Variants in ASCC3 observed in about 807,000 individuals in gnomAD.
The protein encoded by ASCC3 is ASC-1 complex subunit P200.
Under a neutral mutation model 256.3 loss-of-function variants are expected in ASCC3, and 158 were observed. The ratio of observed to expected loss-of-function variants is 0.62; its 90% CI spans 0.54 to 0.70. The LOEUF (loss-of-function observed/expected upper bound fraction) is 0.70, where lower values mean the gene tolerates loss of function less well. Among genes scored for constraint, ASCC3 ranks in the 30% least tolerant of loss-of-function variants. ASCC3 has a pLI of 0.00. For synonymous variants in ASCC3, 948 were observed against 883.4 expected (o/e 1.07, Z -1.30); for missense variants, 2,259 against 2,626.0 (o/e 0.86, Z 3.05).
chr6:100,709,459 GCT>G (rs1011838024), intron 13 of ASCC3, among the ~76,000 whole-genome samples: 18 of 152,216 alleles, frequency 1.2e-4, no homozygotes, highest in East Asian at 3.9e-4. Context: ...CTCTTAACTA[GCT>G]CTGTGACCTT....
intron 4 of ASCC3, among the ~76,000 whole-genome samples, chr6:100,826,670 A>T (rs1452003456): frequency 1.3e-5 from 2 of 152,208 alleles, no homozygotes; most frequent in African/African-American, 2.4e-5. Context: ...AGGATAAAGA[A>T]TGAAGGCCTG....
At chr6:100,861,494 T>C (rs993483704) in intron 3 of ASCC3, among the ~76,000 whole-genome samples, 6 of 152,156 alleles carry the variant, frequency 3.9e-5, no homozygotes, top group Admixed American at 6.5e-5. Flanking sequence ...CAGGGACATT[T>C]TCCACATGAG....
intron 13 of ASCC3, among the ~76,000 whole-genome samples, chr6:100,702,262 C>CTAGA (rs1418109059): frequency 1.3e-5 from 2 of 152,030 alleles, no homozygotes; most frequent in African/African-American, 4.8e-5. Flanking sequence ...AGGAGGTAAA[C>CTAGA]TAGATAGGCA....
chr6:100,801,078 A>C (rs1769895062), intron 5 of ASCC3, among the ~76,000 whole-genome samples: 1 of 152,062 alleles, frequency 6.6e-6, no homozygotes, highest in Non-Finnish European at 1.5e-5. Flanking sequence ...ACGGAAACAC[A>C]GTTTTTTAAA....
At chr6:100,879,480 C>G (rs1490682980) in intron 1 of ASCC3, among the ~76,000 whole-genome samples, 1 of 152,116 alleles carries the variant, frequency 6.6e-6, no homozygotes, top group African/African-American at 2.4e-5. Flanking sequence ...CTAGCTAAGA[C>G]AAAATTCTTA....
intron 8 of ASCC3, among the ~76,000 whole-genome samples, chr6:100,773,661 C>T (rs1450525987): frequency 6.6e-6 from 1 of 152,062 alleles, no homozygotes; most frequent in Non-Finnish European, 1.5e-5. Flanking sequence ...ATTTCTGACC[C>T]ATTAGATTGA....
At chr6:100,613,681 C>T (rs796294132) in intron 30 of ASCC3, among the ~76,000 whole-genome samples, 12 of 152,064 alleles carry the variant, frequency 7.9e-5, no homozygotes, top group Admixed American at 2.0e-4. Context: ...TCTTTTTCTT[C>T]GGGTAGACAC....
At position 100,512,742 on chromosome 6, in the gene ASCC3, C is replaced by T. The variant is rs1773830312; in HGVS notation, c.6252G>A (p.Val2084=). Residue 2084 remains valine, a synonymous_variant, in exon 40 of 42, where the codon GTG becomes GTA. Transcript: ENST00000369162. ...ACCCAAAGTGGACTCTCTGCAAGCT[C>T]ACTTGAAGCACATACTCTTGGTCAG... ...LHADQEYVLQ[V]SLQRVHFGFH... The T allele has an allele frequency of 6.2e-7, 1 of 1,613,966 alleles. No homozygotes were observed. The highest frequency in any genetic ancestry group is 1.1e-5 in the South Asian group (1 of 91,088).
At chr6:100,683,184 T>G (rs1360965731) in intron 13 of ASCC3, among the ~76,000 whole-genome samples, 1 of 152,206 alleles carries the variant, frequency 6.6e-6, no homozygotes, top group East Asian at 1.9e-4. Context: ...ATATAACTAA[T>G]AAGCCCCAAC....
chr6:100,686,201 C>T (rs239198), intron 13 of ASCC3, among the ~76,000 whole-genome samples: 71,700 of 152,016 alleles, frequency 0.47, 17,054 homozygotes, highest in Middle Eastern at 0.56. Flanking sequence ...AAAGCATTTA[C>T]AATAGTGTGT....
At chr6:100,579,883 A>G (rs1041838881) in intron 36 of ASCC3, among the ~76,000 whole-genome samples, 2 of 152,112 alleles carry the variant, frequency 1.3e-5, no homozygotes, top group Admixed American at 1.3e-4. Context: ...GTAGTTTGTT[A>G]GAGATAGCAC....
intron 10 of ASCC3, among the ~76,000 whole-genome samples, chr6:100,730,782 G>T (rs996777832): frequency 6.6e-6 from 1 of 152,064 alleles, no homozygotes; most frequent in Non-Finnish European, 1.5e-5. Flanking sequence ...TGCCCCTTGG[G>T]ACTCTACAAC....
Position 100,589,939 on chromosome 6 carries a change from A to C in ASCC3, c.5415+9T>G. 1 of 1,598,480 alleles carries C rather than the reference A, an allele frequency of 6.3e-7. No homozygotes were observed. The highest frequency in any genetic ancestry group is 8.6e-7 in the Non-Finnish European group (1 of 1,165,974). On this transcript the variant is annotated intron_variant, in intron 35 of 41. Coordinates refer to ENST00000369162, the MANE Select transcript of ASCC3 (RefSeq NM_006828.4). ...CTTTTCAATTAGAATGCATATGACT[A>C]AGTCATACCTCTCCAATTTCAATAC...
chr6:100,631,278 T>C, intron 25 of ASCC3, 65 bp from the exon 26 acceptor site: 2 of 1,319,636 alleles, frequency 1.5e-6, no homozygotes, highest in Non-Finnish European at 2.2e-6. Flanking sequence ...GAAATAAAAG[T>C]AAACTCCAAA....
At chr6:100,646,883 C>T in intron 21 of ASCC3, 114 bp from the exon 22 acceptor site, 1 of 1,121,288 alleles carries the variant, frequency 8.9e-7, no homozygotes, top group Non-Finnish European at 1.3e-6. Flanking sequence ...TTATGATTTG[C>T]TATGTAGAAT....
chr6:100,816,945 A>G (rs997452527), intron 4 of ASCC3, among the ~76,000 whole-genome samples: 3 of 152,048 alleles, frequency 2.0e-5, no homozygotes, highest in African/African-American at 4.8e-5. Context: ...AAAATTAAAA[A>G]AAAAAGAAAT....
chr6:100,650,610 T>C lies in ASCC3; in HGVS notation c.3180A>G (p.Leu1060=). The change falls in exon 20 of 42, where the codon TTA becomes TTG. Residue 1060 remains leucine, a synonymous_variant. Transcript: ENST00000369162. The part of the protein sequence containing the change: ...VENSYGKINI[L]LQTYISRGEM... ...CTCCTCGGCTGATATAAGTTTGAAG[T>C]AAGATGTTTATTTTCCCATAACTAT... 4.3e-6 allele frequency: 7 copies of C among 1,612,850 alleles called. No individual in the cohort carries two copies. The highest frequency in any genetic ancestry group is 5.9e-6 in the Non-Finnish European group (7 of 1,179,152).
intron 12 of ASCC3, 45 bp downstream of exon 12, chr6:100,718,030 A>G (rs1451517230): frequency 3.2e-6 from 5 of 1,579,200 alleles, no homozygotes; most frequent in East Asian, 4.6e-5. Flanking sequence ...TTCAATAATA[A>G]GTCAACAAAA....
chr6:100,594,012 T>A (rs2114780323), intron 34 of ASCC3, among the ~76,000 whole-genome samples: 1 of 152,188 alleles, frequency 6.6e-6, no homozygotes, highest in Admixed American at 6.6e-5. Context: ...ATATACATAA[T>A]ATACACACAC....
Sources: allele counts gnomAD v4.1 joint callset (sites outside exome capture counted in the v4.1 genomes callset), GRCh38; gene constraint gnomAD v4.1.1; transcripts MANE v1.5; gene names NCBI Gene and HGNC (gene_info 2026-07-23, HGNC 2026-07-21).